The following OTOF variants were observed in gnomAD, a reference collection of about 807,000 sequenced individuals.
OTOF encodes the protein otoferlin.
Under a neutral mutation model 236.8 loss-of-function variants are expected in OTOF, and 218 were observed. That is an observed-to-expected ratio of 0.92 (90% confidence interval 0.82 to 1.03). The LOEUF (loss-of-function observed/expected upper bound fraction) is 1.03, where lower values mean the gene tolerates loss of function less well. Ranked by LOEUF, OTOF falls within the 50% of genes least tolerant of loss-of-function variation. The pLI is 0.00. For missense variants in OTOF, 2,590 were observed against 2,694.4 expected (o/e 0.96, Z 0.86); for synonymous variants, 1,041 against 1,072.5 (o/e 0.97, Z 0.57).
chr2:26,458,006 G>A lies in OTOF; in HGVS notation c.*232C>T, dbSNP rs1664267556. 6.3e-7 allele frequency: 1 copy of A among 1,599,064 alleles called. No individual in the cohort carries two copies. The highest frequency in any genetic ancestry group is 1.3e-5 in the African/African-American group (1 of 74,642). ...CAAGCCACTGAAAGGAAATGCGGCA[G>A]GGCTGGGGAGCGGCTGGCGGGAGCT... On this transcript the variant is annotated 3_prime_UTR_variant, in exon 47 of 47. Coordinates refer to ENST00000272371, the MANE Select transcript of OTOF (RefSeq NM_194248.3).
At chr2:26,537,604 G>A in intron 2 of OTOF, 112 bp downstream of exon 2, 1 of 804,094 alleles carries the variant, frequency 1.2e-6, no homozygotes, top group Middle Eastern at 3.2e-4. Flanking sequence ...GGGGCTCAGA[G>A]CAGGCCAGTG....
At chr2:26,485,890 G>C (rs1665686548) in intron 11 of OTOF, among the ~76,000 whole-genome samples, 2 of 152,232 alleles carry the variant, frequency 1.3e-5, no homozygotes, top group South Asian at 2.1e-4. Context: ...CGTGGATGAG[G>C]AGTCACTGGA....
chr2:26,519,874 C>T (rs1029468580), intron 3 of OTOF, among the ~76,000 whole-genome samples: 1 of 152,222 alleles, frequency 6.6e-6, no homozygotes, highest in Non-Finnish European at 1.5e-5. Flanking sequence ...ACAGCCAGCA[C>T]TCCAAAGCAG....
At chr2:26,531,551 T>C (rs1241055594) in intron 2 of OTOF, among the ~76,000 whole-genome samples, 1 of 152,216 alleles carries the variant, frequency 6.6e-6, no homozygotes, top group Non-Finnish European at 1.5e-5. Context: ...CTCCTTGTCA[T>C]GCCACCTCCC....
At position 26,477,055 on chromosome 2, in the gene OTOF, G is replaced by C. The variant is rs1378219479; in HGVS notation, c.2524-12C>G. Reference sequence around the variant, plus strand: ...ATGCTGTGCTGGGGCTGGGGGTTGGGGGGTGGCCAGGGGCAGTGGGTAAGG... The same window carrying C: ...ATGCTGTGCTGGGGCTGGGGGTTGGCGGGTGGCCAGGGGCAGTGGGTAAGG... On this transcript the variant is annotated splice_polypyrimidine_tract_variant and intron_variant, in intron 21 of 46. Coordinates refer to ENST00000272371, the MANE Select transcript of OTOF (RefSeq NM_194248.3). This position sits in a 1 kb window ranked among gnomAD's most constrained non-coding sequence, Gnocchi z 4.7. 2 of 1,523,246 alleles carry C rather than the reference G, an allele frequency of 1.3e-6. No homozygotes were observed. Among genetic ancestry groups the C allele is most frequent in the South Asian group, 2.4e-5 (2 of 84,618 alleles). The allele number at this position is 1,523,246 out of a possible 1,614,324, so 94.4% of individuals were successfully genotyped here.
intron 14 of OTOF, among the ~76,000 whole-genome samples, chr2:26,482,117 TATC>T (rs1665555044): frequency 6.6e-6 from 1 of 152,150 alleles, no homozygotes; most frequent in Non-Finnish European, 1.5e-5. Context: ...ATACTATAAT[TATC>T]ATATCATATA....
intron 30 of OTOF, among the ~76,000 whole-genome samples, chr2:26,471,619 C>A (rs1664978322): frequency 6.6e-6 from 1 of 152,202 alleles, no homozygotes; most frequent in South Asian, 2.1e-4. Context: ...CTGATGATCT[C>A]ATAAGGAATC....
chr2:26,473,249 C>T lies in OTOF; in HGVS notation c.3616G>A (p.Val1206Met). ...ELLHPPLNIRVVDCRAFGRYT... is the reference protein window; with the variant it reads ...ELLHPPLNIRMVDCRAFGRYT... ...CGACCGAAGGCCCGGCAGTCCACCA[C>T]ACGGATGTTCAAGGGCGGGTGCAGC... The change falls in exon 29 of 47, where the codon GTG (valine) becomes ATG (methionine). Residue 1206 changes from valine to methionine, a missense_variant. Val to Met is a conservative substitution (Grantham distance 21). Transcript: ENST00000272371. This position sits in a 1 kb window ranked among gnomAD's most constrained non-coding sequence, Gnocchi z 7.2. 1.2e-6 allele frequency: 2 copies of T among 1,613,440 alleles called. No homozygotes were observed. The highest frequency in any genetic ancestry group is 1.7e-6 in the Non-Finnish European group (2 of 1,179,974).
In OTOF at chr2:26,461,832, G is replaced by A. The variant is rs1367949472; in HGVS notation, c.5397C>T (p.Tyr1799=). 1 of 1,614,196 alleles carries A rather than the reference G, an allele frequency of 6.2e-7. No individual in the cohort carries two copies. The highest frequency in any genetic ancestry group is 8.5e-7 in the Non-Finnish European group (1 of 1,180,026). ...TGACGATCTTCTCCTCCGCCGCCAGGTAGTCGAAGGGGAACAGGTAGCGCC... is the reference window on the plus strand; with the variant it reads ...TGACGATCTTCTCCTCCGCCGCCAGATAGTCGAAGGGGAACAGGTAGCGCC... The part of the protein sequence containing the change: ...FNWRYLFPFD[Y]LAAEEKIVIS... The change falls in exon 43 of 47, where the codon TAC becomes TAT. Residue 1799 remains tyrosine, a synonymous_variant. Transcript: ENST00000272371. The surrounding 1 kb of genome is among the most constrained non-coding windows in gnomAD (Gnocchi z 6.2).
rs761905987 is a variant in OTOF at position 26,460,838 on chromosome 2, G to C, written c.5712+14C>G. 1.2e-6 allele frequency: 2 copies of C among 1,614,068 alleles called. No individual in the cohort carries two copies. The highest frequency in any genetic ancestry group is 1.7e-6 in the Non-Finnish European group (2 of 1,179,996). ...CCAGCCCTGCCTACTGCCCGAGCAG[G>C]AAGGGGTGCGCACCGTGAGCTCAAA... On this transcript the variant is annotated intron_variant, in intron 44 of 46. Coordinates refer to ENST00000272371, the MANE Select transcript of OTOF (RefSeq NM_194248.3). The surrounding 1 kb of genome is among the most constrained non-coding windows in gnomAD (Gnocchi z 5.3).
chr2:26,509,261 A>G (rs983170887), intron 5 of OTOF, among the ~76,000 whole-genome samples: 3 of 151,944 alleles, frequency 2.0e-5, no homozygotes, highest in Non-Finnish European at 4.4e-5. Context: ...ACCCTTGAGG[A>G]CTCCCTAAGA....
intron 2 of OTOF, 40 bp downstream of exon 2, chr2:26,537,676 G>A: frequency 6.7e-7 from 1 of 1,493,562 alleles, no homozygotes; most frequent in Non-Finnish European, 9.1e-7. Flanking sequence ...TTCCCCTCTG[G>A]GCTCAGGGCT....
chr2:26,527,870 C>A lies in OTOF; in HGVS notation c.189G>T (p.Glu63Asp). The change falls in exon 3 of 47, where the codon GAG becomes GAT. Residue 63 changes from glutamate to aspartate, a missense_variant. This residue lies in a region of OTOF where 1,379 missense variants were observed against 1,341.6 expected (regional missense o/e 1.03). Transcript: ENST00000272371. ...ASSIDRNEML[E>D]IQVFNYSKVF... ...CTTTGCTGTAGTTGAAAACCTGAAT[C>A]TCCAGCATCTCATTTCTGTCGATGC... The A allele has an allele frequency of 1.9e-6, 3 of 1,614,100 alleles. No homozygotes were observed. Among genetic ancestry groups the A allele is most frequent in the Non-Finnish European group, 2.5e-6 (3 of 1,179,994 alleles).
chr2:26,533,075 G>A (rs921826457), intron 2 of OTOF, among the ~76,000 whole-genome samples: 8 of 152,262 alleles, frequency 5.3e-5, no homozygotes, highest in African/African-American at 2.4e-5. Flanking sequence ...GAGCATTCCC[G>A]CCTAAGCTCC....
rs397515601 is a variant in OTOF, at chr2:26,467,364, C to A, written c.4227+1G>T. The A allele has an allele frequency of 8.7e-6, 14 of 1,613,744 alleles. No individual in the cohort carries two copies. In the Admixed American group the frequency reaches 2.0e-4, roughly 23 times the overall value. On this transcript the variant is annotated splice_donor_variant, in intron 34 of 46. Transcript: ENST00000272371. LOFTEE classifies it high-confidence loss of function. ...AGAAGGGTCTGCTCCTAGGCTCTCA[C>A]CTTAAGCTCATCAATCTTGGGTTTC... is the stretch of plus-strand genomic sequence containing the variant.
chr2:26,515,847 G>A (rs1460551395), intron 5 of OTOF, among the ~76,000 whole-genome samples: 3 of 152,214 alleles, frequency 2.0e-5, no homozygotes, highest in African/African-American at 7.2e-5. Flanking sequence ...AGCTGTCCTG[G>A]ATCCAGCTTC....
At chr2:26,465,336 G>A (rs1378616930) in intron 38 of OTOF, among the ~76,000 whole-genome samples, 2 of 152,184 alleles carry the variant, frequency 1.3e-5, no homozygotes, top group African/African-American at 4.8e-5. Flanking sequence ...GAGGTGAAGG[G>A]ACTTGGCCAG....
intron 25 of OTOF, 84 bp from the exon 26 acceptor site, chr2:26,474,758 AGTT>A: frequency 6.9e-7 from 1 of 1,459,634 alleles, no homozygotes; most frequent in Non-Finnish European, 9.6e-7. Flanking sequence ...CAGCGCCATG[AGTT>A]GTTGTAAGGG....
intron 36 of OTOF, 38 bp from the exon 37 acceptor site, chr2:26,466,114 T>C: frequency 6.2e-7 from 1 of 1,613,310 alleles, no homozygotes. Context: ...CAGGCTCCCA[T>C]GCCCTGCTCA....
Sources: gnomAD v4.1 joint callset for allele counts (sites outside exome capture counted in the v4.1 genomes callset) on GRCh38, gnomAD v4.1.1 for gene constraint, gnomAD v4.1.1 regional missense constraint, Gnocchi (gnomAD v3.1) non-coding constraint, MANE v1.5 for transcripts, NCBI Gene and HGNC (gene_info 2026-07-23, HGNC 2026-07-21) for gene names.